ITGB5: variants seen among roughly 807,000 people sequenced by gnomAD.
ITGB5 encodes the protein integrin subunit beta 5, also known as integrin beta-5.
In ITGB5, 38 loss-of-function variants were observed where a neutral mutation model predicts 84.8. The ratio of observed to expected loss-of-function variants is 0.45; its 90% CI spans 0.35 to 0.59. ITGB5 has a LOEUF of 0.59. Ranked by LOEUF, ITGB5 falls within the 20% of genes least tolerant of loss-of-function variation. ITGB5 has a pLI of 0.01. For missense variants in ITGB5, 905 were observed against 1,034.5 expected (o/e 0.87, Z 1.72); for synonymous variants, 393 against 414.4 (o/e 0.95, Z 0.63).
chr3:124,859,873 A>G (rs1397502004), intron 2 of ITGB5, among the ~76,000 whole-genome samples: 3 of 152,146 alleles, frequency 2.0e-5, no homozygotes, highest in Non-Finnish European at 2.9e-5. Context: ...GCTTGAGATC[A>G]AGAGTTTGAG....
At chr3:124,794,851 A>AAGG (rs1048676759) in intron 10 of ITGB5, among the ~76,000 whole-genome samples, 1 of 151,760 alleles carries the variant, frequency 6.6e-6, no homozygotes, top group African/African-American at 2.4e-5. Flanking sequence ...GGAGGAGGAG[A>AAGG]AGGAGAAGAA....
Position 124,850,828 on chromosome 3 carries a change from G to T in ITGB5, c.362-2270C>A, listed in dbSNP as rs147515711. Among the ~76,000 whole-genome samples, 1,056 of 152,140 alleles carry T rather than the reference G, an allele frequency of 6.9e-3. 3 individuals are homozygous for T. Among genetic ancestry groups the T allele is most frequent in the Admixed American group, 0.011 (161 of 15,286 alleles). On this transcript the variant is annotated intron_variant, in intron 3 of 14. Transcript: ENST00000296181. ...TGGTCAGACAGACACAGCTTGTCCC[G>T]CCAGAGGGCTCCTTGGGTGCCACAT... is the stretch of plus-strand genomic sequence containing the variant.
At chr3:124,857,673 T>C (rs2065238014) in intron 3 of ITGB5, among the ~76,000 whole-genome samples, 2 of 152,230 alleles carry the variant, frequency 1.3e-5, no homozygotes, top group African/African-American at 4.8e-5. Flanking sequence ...TTTAGCCACA[T>C]GCACATCTAA....
At chr3:124,820,209 T>A (rs2064679703) in intron 6 of ITGB5, among the ~76,000 whole-genome samples, 1 of 152,192 alleles carries the variant, frequency 6.6e-6, no homozygotes, top group African/African-American at 2.4e-5. Flanking sequence ...CAGTGCCTCT[T>A]ACCTGTCCTC....
intron 10 of ITGB5, among the ~76,000 whole-genome samples, chr3:124,775,559 T>TA (rs1040514251): frequency 6.6e-6 from 1 of 152,182 alleles, no homozygotes; most frequent in African/African-American, 2.4e-5. Flanking sequence ...TGGTATTTTT[T>TA]AAAAAATCAA....
At chr3:124,818,921 G>A (rs2064653140) in intron 7 of ITGB5, among the ~76,000 whole-genome samples, 1 of 152,170 alleles carries the variant, frequency 6.6e-6, no homozygotes, top group African/African-American at 2.4e-5. Flanking sequence ...TGGGGGTGGA[G>A]GGTGGAGAGG....
At chr3:124,804,946 C>T (rs966421136) in intron 9 of ITGB5, among the ~76,000 whole-genome samples, 2 of 152,000 alleles carry the variant, frequency 1.3e-5, no homozygotes, top group East Asian at 1.9e-4. Context: ...GAATTACAGG[C>T]GTGAGCCACC....
chr3:124,819,310 C>G (rs189964237), intron 7 of ITGB5, among the ~76,000 whole-genome samples: 3 of 152,192 alleles, frequency 2.0e-5, no homozygotes, highest in African/African-American at 7.2e-5. Flanking sequence ...GGAATTTCTG[C>G]GCCAGACTAG....
At chr3:124,897,439 C>A (rs967274576) in intron 1 of ITGB5, among the ~76,000 whole-genome samples, 2 of 152,110 alleles carry the variant, frequency 1.3e-5, no homozygotes, top group African/African-American at 2.4e-5. Flanking sequence ...TTGGTCCTTG[C>A]CTCCATTGGA....
At position 124,773,870 on chromosome 3, in the gene ITGB5, C is replaced by T. The variant is rs142303791; in HGVS notation, c.1736G>A (p.Gly579Asp). 2.4e-5 allele frequency: 39 copies of T among 1,614,102 alleles called. 1 individual carries two copies. Among genetic ancestry groups the T allele is most frequent in the Non-Finnish European group, 3.2e-5 (38 of 1,180,058 alleles). ...GCAGTTACAGTTGTCCCCGATGTAACCTGCATGGCACTTGCATTCCCCGCA... is the reference window on the plus strand; with the variant it reads ...GCAGTTACAGTTGTCCCCGATGTAATCTGCATGGCACTTGCATTCCCCGCA... ...CHCGECKCHA[G>D]YIGDNCNCST... Residue 579 changes from glycine (G) to aspartate (D), a missense_variant, in exon 11 of 15, where the codon GGT becomes GAT. Coordinates refer to ENST00000296181, the MANE Select transcript of ITGB5 (RefSeq NM_002213.5).
intron 8 of ITGB5, among the ~76,000 whole-genome samples, chr3:124,813,804 C>G (rs1414634542): frequency 6.6e-6 from 1 of 152,106 alleles, no homozygotes; most frequent in African/African-American, 2.4e-5. Flanking sequence ...CATGACTGGT[C>G]ACATCTCTGG....
intron 13 of ITGB5, among the ~76,000 whole-genome samples, chr3:124,765,070 G>C (rs1363708938): frequency 6.6e-6 from 1 of 152,228 alleles, no homozygotes; most frequent in Non-Finnish European, 1.5e-5. Flanking sequence ...TTACAGGCGT[G>C]CATCCTAGGC....
At chr3:124,764,632 T>C in intron 13 of ITGB5, 75 bp from the exon 14 acceptor site, 1 of 1,478,346 alleles carries the variant, frequency 6.8e-7, no homozygotes, top group Non-Finnish European at 9.2e-7. Flanking sequence ...CAGGCATTTC[T>C]GAGATGAAAG....
chr3:124,886,613 G>A (rs1012143675), intron 1 of ITGB5, among the ~76,000 whole-genome samples: 14 of 152,082 alleles, frequency 9.2e-5, no homozygotes, highest in Non-Finnish European at 2.1e-4. Context: ...GGGCCCCAAG[G>A]CAGGGCTGGC....
At position 124,859,441 on chromosome 3, in the gene ITGB5, G is replaced by T; in HGVS notation, c.162C>A (p.Phe54Leu). The T allele has an allele frequency of 4.3e-6, 7 of 1,613,538 alleles. No homozygotes were observed. The highest frequency in any genetic ancestry group is 5.9e-6 in the Non-Finnish European group (7 of 1,179,806). ...PKCAWCSKED[F>L]GSPRSITSRC... ...GAGAGGTGATGGACCGTGGGCTTCC[G>T]AAGTCCTAGGCAGGGAAAAAGAGGA... The change falls in exon 3 of 15, where the codon TTC (phenylalanine) becomes TTA (leucine). Residue 54 changes from phenylalanine (F) to leucine (L), a missense_variant. Phe to Leu is a conservative substitution (Grantham distance 22). Around this residue, in one of 3 missense-constraint regions of ITGB5, gnomAD observed 656 missense variants for 734.7 expected, o/e 0.89. Transcript: ENST00000296181.
intron 3 of ITGB5, among the ~76,000 whole-genome samples, chr3:124,853,026 C>A (rs144773740): frequency 1.4e-4 from 22 of 152,110 alleles, no homozygotes; most frequent in Non-Finnish European, 2.8e-4. Flanking sequence ...TTTCTTCTTT[C>A]TTCTTTTCCC....
chr3:124,885,615 T>C (rs897436415), intron 1 of ITGB5, among the ~76,000 whole-genome samples: 1 of 152,202 alleles, frequency 6.6e-6, no homozygotes, highest in African/African-American at 2.4e-5. Context: ...TTGACAACAA[T>C]ACATTCCTGT....
At chr3:124,817,741 G>A (rs374430494) in intron 7 of ITGB5, 31 bp from the exon 8 acceptor site, 1 of 1,329,008 alleles carries the variant, frequency 7.5e-7, no homozygotes, top group Non-Finnish European at 1.1e-6. Flanking sequence ...AAAGAAATAA[G>A]TTCATTTTGC....
intron 5 of ITGB5, among the ~76,000 whole-genome samples, chr3:124,823,240 G>A (rs943803877): frequency 2.6e-5 from 4 of 151,978 alleles, no homozygotes; most frequent in Non-Finnish European, 5.9e-5. Flanking sequence ...TCCAGCCTGG[G>A]CAACAGAGCA....
Sources: allele counts gnomAD v4.1 joint callset (sites outside exome capture counted in the v4.1 genomes callset), GRCh38; gene constraint gnomAD v4.1.1; regional missense constraint gnomAD v4.1.1; transcripts MANE v1.5; gene names NCBI Gene and HGNC (gene_info 2026-07-23, HGNC 2026-07-21).